VOPP1: variants seen among roughly 807,000 people sequenced by gnomAD.
VOPP1 encodes WW domain binding protein VOPP1.
Under a neutral mutation model 23.5 loss-of-function variants are expected in VOPP1, and 8 were observed. The observed-to-expected ratio is 0.34, with a 90% confidence interval of 0.20 to 0.61. The LOEUF (loss-of-function observed/expected upper bound fraction) is 0.61. Ranked by LOEUF, VOPP1 falls within the 20% of genes least tolerant of loss-of-function variation. VOPP1 has a pLI of 0.78. For missense variants in VOPP1, 174 were observed against 238.1 expected, an observed-to-expected ratio of 0.73 and a Z score of 1.77; for synonymous variants, 83 against 97.3, an observed-to-expected ratio of 0.85 and a Z score of 0.86.
At chr7:55,449,497 G>T (rs374578373) in intron 4 of VOPP1, among the ~76,000 whole-genome samples, 66 of 152,320 alleles carry the variant, frequency 4.3e-4, no homozygotes, top group African/African-American at 1.5e-3. Flanking sequence ...ACGCCGGGGT[G>T]GGGGGCCGGT....
chr7:55,517,902 G>A (rs1321514790), intron 2 of VOPP1, among the ~76,000 whole-genome samples: 1 of 152,180 alleles, frequency 6.6e-6, no homozygotes, highest in Non-Finnish European at 1.5e-5. Flanking sequence ...CTGGACCGGT[G>A]AGGGTATTGG....
At chr7:55,544,654 C>T (rs1333598268) in intron 1 of VOPP1, among the ~76,000 whole-genome samples, 2 of 152,138 alleles carry the variant, frequency 1.3e-5, no homozygotes, top group African/African-American at 2.4e-5. Context: ...CTGAAACTGA[C>T]GAATGTAATC....
chr7:55,525,152 C>T (rs1355218125), intron 1 of VOPP1, among the ~76,000 whole-genome samples: 1 of 152,118 alleles, frequency 6.6e-6, no homozygotes, highest in Non-Finnish European at 1.5e-5. Flanking sequence ...AACCTGCCAG[C>T]CACACCGCCA....
At chr7:55,512,774 G>A (rs1795164763) in intron 2 of VOPP1, among the ~76,000 whole-genome samples, 1 of 152,224 alleles carries the variant, frequency 6.6e-6, no homozygotes, top group South Asian at 2.1e-4. Context: ...CTCAGCGAAG[G>A]AGTCCAGCTG....
At chr7:55,533,976 T>A (rs1796635400) in intron 1 of VOPP1, among the ~76,000 whole-genome samples, 1 of 152,122 alleles carries the variant, frequency 6.6e-6, no homozygotes, top group Non-Finnish European at 1.5e-5. Context: ...CTCAGTGTTG[T>A]AAATAAGCAA....
intron 4 of VOPP1, among the ~76,000 whole-genome samples, chr7:55,489,185 C>G (rs1166569566): frequency 2.6e-5 from 4 of 152,222 alleles, no homozygotes; most frequent in Non-Finnish European, 5.9e-5. Context: ...AGCCCTGGAC[C>G]TGACAGGGAA....
At chr7:55,451,865 C>T (rs1256564363) in intron 4 of VOPP1, among the ~76,000 whole-genome samples, 1 of 152,160 alleles carries the variant, frequency 6.6e-6, no homozygotes, top group East Asian at 1.9e-4. Flanking sequence ...AATCTTTTTG[C>T]TGGTGGAGGG....
chr7:55,518,798 C>T (rs965580151), intron 2 of VOPP1, among the ~76,000 whole-genome samples: 11 of 132,322 alleles, frequency 8.3e-5, no homozygotes, highest in African/African-American at 3.1e-4. Flanking sequence ...TGAAAGTCTA[C>T]TGTTAAAAGG....
chr7:55,548,640 C>A (rs1018215234), intron 1 of VOPP1, among the ~76,000 whole-genome samples: 5 of 152,236 alleles, frequency 3.3e-5, no homozygotes, highest in Non-Finnish European at 7.3e-5. Flanking sequence ...ACGCCTGCTA[C>A]TGGGGAGTAC....
downstream of VOPP1, among the ~76,000 whole-genome samples, chr7:55,469,487 C>T (rs1391710968): frequency 1.3e-5 from 2 of 152,186 alleles, no homozygotes; most frequent in Non-Finnish European, 2.9e-5. Flanking sequence ...TTAAAAAAAT[C>T]AAACAGACTT....
At chr7:55,495,531 C>T (rs377101683) in intron 3 of VOPP1, among the ~76,000 whole-genome samples, 1 of 152,206 alleles carries the variant, frequency 6.6e-6, no homozygotes, top group Non-Finnish European at 1.5e-5. Flanking sequence ...CCCTCTGCCC[C>T]AAACGCCCTC....
intron 2 of VOPP1, among the ~76,000 whole-genome samples, chr7:55,500,712 G>GT (rs1406872380): frequency 6.6e-6 from 1 of 152,202 alleles, no homozygotes; most frequent in African/African-American, 2.4e-5. Context: ...CTTCACAAAC[G>GT]TCTTGTTAAT....
At chr7:55,443,281 G>A (rs547595447) in intron 4 of VOPP1, among the ~76,000 whole-genome samples, 37 of 152,246 alleles carry the variant, frequency 2.4e-4, no homozygotes, top group African/African-American at 8.7e-4. Flanking sequence ...GTGGCTGGGC[G>A]TGGTGGCTCA....
downstream of VOPP1, among the ~76,000 whole-genome samples, chr7:55,465,674 A>G (rs1037756310): frequency 2.0e-5 from 3 of 152,214 alleles, no homozygotes; most frequent in African/African-American, 7.2e-5. Flanking sequence ...CGTATAAACA[A>G]TAGGTAGTAT....
In VOPP1 at chr7:55,509,664, C is replaced by T. The variant is rs180928662; in HGVS notation, c.113+11408G>A. On this transcript the variant is annotated intron_variant, in intron 2 of 4. Transcript: ENST00000285279. Reference sequence around the variant, plus strand: ...ATTCCAGCTCTGGACTACATCCTGCCCTCTTCCACCTCTGCTGCAAAAGTG... The same window carrying T: ...ATTCCAGCTCTGGACTACATCCTGCTCTCTTCCACCTCTGCTGCAAAAGTG... 6.6e-5 allele frequency among the ~76,000 whole-genome samples: 10 copies of T among 152,306 alleles called. No homozygotes were observed. The East Asian group carries it at 1.9e-3, about 29-fold the overall frequency.
At chr7:55,562,045 T>C (rs2129056348) in intron 1 of VOPP1, 3 of 703,430 alleles carry the variant, frequency 4.3e-6, no homozygotes, top group Non-Finnish European at 7.8e-6. Flanking sequence ...TCAGAAGCAA[T>C]GTGCATCTGT....
At chr7:55,457,411 G>C (rs1791394888) in intron 4 of VOPP1, among the ~76,000 whole-genome samples, 2 of 152,154 alleles carry the variant, frequency 1.3e-5, no homozygotes, top group Non-Finnish European at 2.9e-5. Context: ...ATTGTGAATA[G>C]TGCTTCAGTA....
intron 1 of VOPP1, among the ~76,000 whole-genome samples, chr7:55,564,761 G>C (rs1034849189): frequency 3.3e-5 from 5 of 151,984 alleles, no homozygotes; most frequent in African/African-American, 1.2e-4. Context: ...ATCCACCCTG[G>C]GCCACAAGTT....
intron 1 of VOPP1, among the ~76,000 whole-genome samples, chr7:55,563,896 G>A (rs572104725): frequency 6.6e-6 from 1 of 152,212 alleles, no homozygotes; most frequent in Non-Finnish European, 1.5e-5. Flanking sequence ...AAGAGTATAA[G>A]AGCCAAAATT....
Sources: allele counts gnomAD v4.1 joint callset (sites outside exome capture counted in the v4.1 genomes callset), GRCh38; gene constraint gnomAD v4.1.1; transcripts MANE v1.5; gene names NCBI Gene and HGNC (gene_info 2026-07-23, HGNC 2026-07-21).